Variants in ITGA9 observed in about 807,000 individuals in gnomAD.
ITGA9 encodes the protein integrin subunit alpha 9.
Under a neutral mutation model 127.8 loss-of-function variants are expected in ITGA9, and 56 were observed. The observed-to-expected ratio is 0.44, with a 90% CI of 0.35 to 0.55. The LOEUF (loss-of-function observed/expected upper bound fraction) is 0.55, where lower values mean the gene tolerates loss of function less well. Ranked by LOEUF, ITGA9 falls within the 20% of genes least tolerant of loss-of-function variation. The pLI is 0.00. For synonymous variants in ITGA9, 508 were observed against 514.5 expected (o/e 0.99, Z 0.17); for missense variants, 1,196 against 1,347.1 (o/e 0.89, Z 1.76).
chr3:37,516,023 A>G (rs1261732012), intron 9 of ITGA9, among the ~76,000 whole-genome samples: 1 of 152,206 alleles, frequency 6.6e-6, no homozygotes, highest in African/African-American at 2.4e-5. Context: ...CATTAAATAA[A>G]TGAGTGCTGT....
At chr3:37,596,246 AC>A (rs1699868948) in intron 15 of ITGA9, among the ~76,000 whole-genome samples, 1 of 152,166 alleles carries the variant, frequency 6.6e-6, no homozygotes, top group East Asian at 1.9e-4. Context: ...AAGATGCTTG[AC>A]CACTTATTAG....
In ITGA9 at chr3:37,701,862, C is replaced by T. The variant is rs769774073; in HGVS notation, c.2067+17847C>T. On this transcript the variant is annotated intron_variant, in intron 18 of 27. Coordinates refer to ENST00000264741, the MANE Select transcript of ITGA9 (RefSeq NM_002207.3). Reference sequence around the variant, plus strand: ...ATACAGAATACAGAGCAGCAGTTCACGGGCTATAGCATTTGAGGAGATTAA... The same window carrying T: ...ATACAGAATACAGAGCAGCAGTTCATGGGCTATAGCATTTGAGGAGATTAA... 5.4e-4 allele frequency among the ~76,000 whole-genome samples: 82 copies of T among 152,296 alleles called. No individual in the cohort carries two copies. In the Middle Eastern group the frequency reaches 0.017, roughly 32 times the overall value.
chr3:37,819,349 A>C lies in ITGA9; in HGVS notation c.*360A>C, dbSNP rs1697483346. 1 of 213,422 alleles carries C rather than the reference A, an allele frequency of 4.7e-6. No individual in the cohort carries two copies. The highest frequency in any genetic ancestry group is 9.5e-6 in the Non-Finnish European group (1 of 104,970). 13.2% of individuals were successfully genotyped at this position (213,422 alleles called of 1,614,324 possible). A position where few individuals can be genotyped will look rare whatever the true frequency, so the allele number is the denominator to read the frequency against. Reference sequence around the variant, plus strand: ...GATTATGTCTTTTATATTTGTATCGATGTTTTATTATTTCTATTAAATAGT... The same window carrying C: ...GATTATGTCTTTTATATTTGTATCGCTGTTTTATTATTTCTATTAAATAGT... On this transcript the variant is annotated 3_prime_UTR_variant, in exon 28 of 28. Transcript: ENST00000264741.
In ITGA9 at chr3:37,750,665, T is replaced by A. The variant is rs897013188; in HGVS notation, c.2541+96T>A. On this transcript the variant is annotated intron_variant, in intron 23 of 27. Coordinates refer to ENST00000264741, the MANE Select transcript of ITGA9 (RefSeq NM_002207.3). ...CTACCCTGACATCCACCTTGAGGGT[T>A]TGGAAAATTCAACTCATTCTACCCT... 1.2e-5 allele frequency: 11 copies of A among 897,016 alleles called. No homozygotes were observed. In the African/African-American group the frequency reaches 1.8e-4, roughly 15 times the overall value. The allele number at this position is 897,016 out of a possible 1,614,324, so 55.6% of individuals were successfully genotyped here. A position where few individuals can be genotyped will look rare whatever the true frequency, so the allele number is the denominator to read the frequency against.
chr3:37,677,506 T>C (rs1700694707), intron 17 of ITGA9, among the ~76,000 whole-genome samples: 2 of 152,230 alleles, frequency 1.3e-5, no homozygotes, highest in South Asian at 4.1e-4. Context: ...GTTCTAAATA[T>C]TCTCCCAGTA....
At chr3:37,616,919 A>G (rs9815056) in intron 15 of ITGA9, among the ~76,000 whole-genome samples, 3,751 of 152,222 alleles carry the variant, frequency 0.025, 118 homozygotes, top group African/African-American at 0.082. Flanking sequence ...TCTTTATCCA[A>G]TTTGCCAGTC....
intron 23 of ITGA9, among the ~76,000 whole-genome samples, chr3:37,753,171 C>T (rs552669335): frequency 1.3e-5 from 2 of 152,248 alleles, no homozygotes; most frequent in African/African-American, 4.8e-5. Context: ...AATGACAGAC[C>T]TTTCTAGTCT....
chr3:37,674,212 A>G (rs141205130), intron 17 of ITGA9, among the ~76,000 whole-genome samples: 376 of 152,384 alleles, frequency 2.5e-3, no homozygotes, highest in African/African-American at 8.5e-3. Flanking sequence ...CTTTGAATGC[A>G]AATTCTTCTG....
At chr3:37,626,602 T>G (rs1261534256) in intron 15 of ITGA9, among the ~76,000 whole-genome samples, 1 of 152,226 alleles carries the variant, frequency 6.6e-6, no homozygotes, top group Non-Finnish European at 1.5e-5. Flanking sequence ...GAAGATTGCT[T>G]GAGCTTAAGA....
intron 18 of ITGA9, among the ~76,000 whole-genome samples, chr3:37,729,909 G>C (rs966886304): frequency 3.9e-5 from 6 of 151,984 alleles, no homozygotes; most frequent in Admixed American, 2.0e-4. Flanking sequence ...TCACCATGTT[G>C]GCCAGGATGG....
chr3:37,599,001 C>G (rs1481475661), intron 15 of ITGA9, among the ~76,000 whole-genome samples: 1 of 152,126 alleles, frequency 6.6e-6, no homozygotes, highest in Non-Finnish European at 1.5e-5. Flanking sequence ...TAAAGAATAC[C>G]ACGGAATGAA....
chr3:37,483,179 AC>A (rs1282954844), intron 4 of ITGA9, among the ~76,000 whole-genome samples: 3 of 152,142 alleles, frequency 2.0e-5, no homozygotes, highest in Admixed American at 2.0e-4. Context: ...CCAGAAGATG[AC>A]ATGTTGTGAC....
chr3:37,543,774 C>A (rs1229217617), intron 15 of ITGA9, among the ~76,000 whole-genome samples: 1 of 152,198 alleles, frequency 6.6e-6, no homozygotes, highest in Non-Finnish European at 1.5e-5. Context: ...GCCCCACACA[C>A]CCATGGCCCA....
chr3:37,494,660 T>A, intron 5 of ITGA9, 92 bp downstream of exon 5: 2 of 996,016 alleles, frequency 2.0e-6, no homozygotes, highest in Non-Finnish European at 3.2e-6. Flanking sequence ...GTGGGACTTC[T>A]GGAGTCCCAG....
At chr3:37,708,588 T>A (rs1386011944) in intron 18 of ITGA9, among the ~76,000 whole-genome samples, 1 of 1,116 alleles carries the variant, frequency 9.0e-4, no homozygotes, top group East Asian at 0.018. Context: ...AAATTTTTGG[T>A]TTCCACAACT....
intron 21 of ITGA9, 50 bp from the exon 22 acceptor site, chr3:37,743,876 G>T (rs759402272): frequency 1.6e-6 from 2 of 1,221,502 alleles, no homozygotes; most frequent in Non-Finnish European, 1.2e-6. Context: ...AGTGACCATG[G>T]GTGCTTGACT....
chr3:37,741,657 G>A, intron 20 of ITGA9, 73 bp from the exon 21 acceptor site: 3 of 1,163,336 alleles, frequency 2.6e-6, no homozygotes, highest in South Asian at 2.6e-5. Context: ...CAACTCTAAA[G>A]TGGAACAGAG....
At chr3:37,473,492 G>A in intron 3 of ITGA9, 32 bp downstream of exon 3, 4 of 1,510,880 alleles carry the variant, frequency 2.6e-6, no homozygotes, top group East Asian at 2.3e-5. Flanking sequence ...TGTGGGAAGG[G>A]GGTGGCACTC....
At chr3:37,511,765 C>T (rs1323518474) in intron 8 of ITGA9, among the ~76,000 whole-genome samples, 1 of 152,148 alleles carries the variant, frequency 6.6e-6, no homozygotes, top group African/African-American at 2.4e-5. Flanking sequence ...GGAAGGATTT[C>T]TGAGCGGCCA....
Sources: allele counts gnomAD v4.1 joint callset (sites outside exome capture counted in the v4.1 genomes callset), GRCh38; gene constraint gnomAD v4.1.1; transcripts MANE v1.5; gene names NCBI Gene and HGNC (gene_info 2026-07-23, HGNC 2026-07-21).